Variants in TAOK1 observed in about 807,000 individuals in gnomAD.
TAOK1 encodes the protein serine/threonine-protein kinase TAO1.
Under a neutral mutation model 138.3 loss-of-function variants are expected in TAOK1, and 21 were observed. The ratio of observed to expected loss-of-function variants is 0.15; its 90% CI spans 0.11 to 0.22. The LOEUF (loss-of-function observed/expected upper bound fraction) is 0.22, where lower values mean the gene tolerates loss of function less well. TAOK1 is among the 10% of genes least tolerant of loss of function. The pLI is 1.00. For missense variants in TAOK1, 651 were observed against 1,227.7 expected, an observed-to-expected ratio of 0.53 and a Z score of 7.02; for synonymous variants, 361 against 398.4, an observed-to-expected ratio of 0.91 and a Z score of 1.12.
At position 29,475,722 on chromosome 17, in the gene TAOK1, C is replaced by T; in HGVS notation, c.257C>T (p.Pro86Leu). 1 of 1,612,846 alleles carries T rather than the reference C, an allele frequency of 6.2e-7. No individual in the cohort carries two copies. ...AAGTTTCTACAAAGAATAAAACATC[C>T]CAACAGTATAGAATACAAAGGCTGT... ...EVKFLQRIKH[P>L]NSIEYKGCYL... Residue 86 changes from proline (P) to leucine (L), a missense_variant, in exon 4 of 20, where the codon CCC becomes CTC. By Grantham distance (98) the Pro-to-Leu change is moderately conservative. Around this residue, in one of 8 missense-constraint regions of TAOK1, gnomAD observed 116 missense variants for 213.9 expected, o/e 0.54. Transcript: ENST00000261716.
At chr17:29,451,226 C>G (rs2030227421) in intron 1 of TAOK1, among the ~76,000 whole-genome samples, 1 of 152,160 alleles carries the variant, frequency 6.6e-6, no homozygotes, top group African/African-American at 2.4e-5. Context: ...TCCCAAGATA[C>G]AAAGATTATC....
chr17:29,427,227 G>C (rs572918465), intron 1 of TAOK1, among the ~76,000 whole-genome samples: 1 of 152,292 alleles, frequency 6.6e-6, no homozygotes, highest in Admixed American at 6.5e-5. Context: ...TTAACCTGGA[G>C]AAGATTATAT....
At chr17:29,488,262 G>A (rs940183303) in intron 8 of TAOK1, among the ~76,000 whole-genome samples, 1 of 152,130 alleles carries the variant, frequency 6.6e-6, no homozygotes, top group African/African-American at 2.4e-5. Context: ...TGCCATGTAA[G>A]TAGCTGTCTT....
rs538694679 is a variant in TAOK1 at position 29,440,648 on chromosome 17, T to G, written c.-94-10807T>G. Among the ~76,000 whole-genome samples, 13 of 152,244 alleles carry G rather than the reference T, an allele frequency of 8.5e-5. No individual in the cohort carries two copies. The East Asian group carries it at 2.5e-3, about 29-fold the overall frequency. On this transcript the variant is annotated intron_variant, in intron 1 of 19. Coordinates refer to ENST00000261716, the MANE Select transcript of TAOK1 (RefSeq NM_020791.4). ...TGGAGTGCAGTCACGCGATCTCAGC[T>G]TACTGCAGCCTCTGCCTCCTGGGTT...
chr17:29,529,551 G>C (rs796612008), intron 17 of TAOK1, among the ~76,000 whole-genome samples: 2 of 152,092 alleles, frequency 1.3e-5, no homozygotes, highest in South Asian at 4.1e-4. Context: ...AGGTAACACA[G>C]TGAAACCTTG....
intron 15 of TAOK1, 125 bp downstream of exon 15, chr17:29,511,117 A>G: frequency 2.6e-6 from 2 of 755,166 alleles, no homozygotes; most frequent in Non-Finnish European, 3.9e-6. Flanking sequence ...AATGGGTATT[A>G]GTTTAAATGA....
chr17:29,542,458 C>T, intron 19 of TAOK1, 103 bp from the exon 20 acceptor site: 1 of 947,966 alleles, frequency 1.1e-6, no homozygotes, highest in South Asian at 2.5e-5. Context: ...GACAAATATA[C>T]ATCCATAAAA....
chr17:29,510,167 A>G (rs777034948), intron 14 of TAOK1, among the ~76,000 whole-genome samples: 18 of 151,940 alleles, frequency 1.2e-4, no homozygotes, highest in Non-Finnish European at 2.5e-4. Context: ...ACCTGAGCTC[A>G]GGAGTTCAAG....
chr17:29,411,343 G>A (rs953925842), intron 1 of TAOK1, among the ~76,000 whole-genome samples: 8 of 151,488 alleles, frequency 5.3e-5, no homozygotes, highest in African/African-American at 1.5e-4. Flanking sequence ...CGCCCGCCTC[G>A]GCCTCCCAAA....
chr17:29,436,639 A>G (rs1906038924), intron 1 of TAOK1, among the ~76,000 whole-genome samples: 1 of 152,222 alleles, frequency 6.6e-6, no homozygotes, highest in South Asian at 2.1e-4. Context: ...ACAATTGGCA[A>G]AGAAGTTTGG....
At chr17:29,493,023 C>T (rs1352170016) in intron 10 of TAOK1, among the ~76,000 whole-genome samples, 1 of 151,696 alleles carries the variant, frequency 6.6e-6, no homozygotes, top group East Asian at 1.9e-4. Context: ...CTCGTGTAGT[C>T]CCAAATACTC....
Position 29,482,270 on chromosome 17 carries a change from A to G in TAOK1, c.637A>G (p.Ile213Val). 1 of 1,612,412 alleles carries G rather than the reference A, an allele frequency of 6.2e-7. No individual in the cohort carries two copies. The highest frequency in any genetic ancestry group is 8.5e-7 in the Non-Finnish European group (1 of 1,179,154). The change falls in exon 8 of 20, where the codon ATA becomes GTA. Residue 213 changes from isoleucine to valine, a missense_variant. Around this residue, in one of 8 missense-constraint regions of TAOK1, gnomAD observed 20 missense variants for 88.6 expected, o/e 0.23. Coordinates refer to ENST00000261716, the MANE Select transcript of TAOK1 (RefSeq NM_020791.4). Reference sequence around the variant, plus strand: ...CAAAGTAGATGTGTGGTCTCTTGGAATAACATGTATTGAACTAGGTAAGCA... The same window carrying G: ...CAAAGTAGATGTGTGGTCTCTTGGAGTAACATGTATTGAACTAGGTAAGCA... ...DGKVDVWSLGITCIELAERKP... is the reference protein window; with the variant it reads ...DGKVDVWSLGVTCIELAERKP...
chr17:29,393,822 A>G (rs569552241), intron 1 of TAOK1, among the ~76,000 whole-genome samples: 3 of 152,340 alleles, frequency 2.0e-5, no homozygotes, highest in African/African-American at 7.2e-5. Flanking sequence ...CTTCCAAACT[A>G]AAGGATAGTA....
intron 1 of TAOK1, among the ~76,000 whole-genome samples, chr17:29,439,957 C>G (rs998427001): frequency 1.3e-5 from 2 of 151,594 alleles, no homozygotes; most frequent in Non-Finnish European, 2.9e-5. Flanking sequence ...AGTCCTACTT[C>G]CGAAACTCCT....
intron 1 of TAOK1, among the ~76,000 whole-genome samples, chr17:29,403,192 T>C (rs1219510557): frequency 6.8e-6 from 1 of 147,104 alleles, no homozygotes. Flanking sequence ...AAAATCAGTG[T>C]GCTGCAATGT....
chr17:29,505,342 T>C (rs1285077741), intron 13 of TAOK1, among the ~76,000 whole-genome samples: 1 of 152,070 alleles, frequency 6.6e-6, no homozygotes, highest in East Asian at 1.9e-4. Flanking sequence ...TCCCTCAGTA[T>C]CTGTGAGGGA....
chr17:29,521,704 TCCCGCGTAGCTGGGACTACGGGCG>T (rs2031920643), intron 16 of TAOK1, among the ~76,000 whole-genome samples: 2 of 152,140 alleles, frequency 1.3e-5, no homozygotes, highest in Non-Finnish European at 2.9e-5. Flanking sequence ...TGCCTCAGCC[TCCCGCGTAGCTGGGACTACGGGCG>T]CCCGCCACAA....
intron 1 of TAOK1, among the ~76,000 whole-genome samples, chr17:29,419,422 C>G (rs1598473002): frequency 6.6e-6 from 1 of 151,928 alleles, no homozygotes; most frequent in African/African-American, 2.4e-5. Flanking sequence ...TCTCGAACTC[C>G]CGACATCAAT....
intron 11 of TAOK1, 81 bp from the exon 12 acceptor site, chr17:29,498,234 TATG>T: frequency 7.3e-7 from 1 of 1,378,422 alleles, no homozygotes; most frequent in South Asian, 1.2e-5. Context: ...TGCCAAGTGG[TATG>T]CTAGGTGCTT....
Sources: gnomAD v4.1 joint callset for allele counts (sites outside exome capture counted in the v4.1 genomes callset) on GRCh38, gnomAD v4.1.1 for gene constraint, gnomAD v4.1.1 regional missense constraint, MANE v1.5 for transcripts, NCBI Gene and HGNC (gene_info 2026-07-23, HGNC 2026-07-21) for gene names.